The following PCDHGA7 variants were observed in gnomAD, a reference collection of about 807,000 sequenced individuals.
PCDHGA7 encodes the protein protocadherin gamma subfamily A, 7, also known as protocadherin gamma-A7.
A neutral mutation model predicts 58.3 loss-of-function variants in PCDHGA7; 44 were observed. That is an observed-to-expected ratio of 0.75 (90% confidence interval 0.59 to 0.97). The LOEUF is 0.97. Ranked by LOEUF, PCDHGA7 falls within the 50% of genes least tolerant of loss-of-function variation. The probability of loss-of-function intolerance (pLI) is 0.00; values close to 1 mark genes in which losing one functional copy is unlikely to be tolerated. For missense variants in PCDHGA7, 1,266 were observed against 1,188.7 expected (o/e 1.06, Z -0.96); for synonymous variants, 516 against 504.2 (o/e 1.02, Z -0.31).
intron 1 of PCDHGA7, chr5:141,439,888 A>G (rs2098137228): frequency 6.6e-6 from 1 of 152,384 alleles, no homozygotes. Context: ...TCTGGGTAGA[A>G]CCAAGGCGAC....
chr5:141,460,553 C>A (rs2098991893), intron 1 of PCDHGA7, among the ~76,000 whole-genome samples: 1 of 152,032 alleles, frequency 6.6e-6, no homozygotes. Context: ...AATCAAAAAT[C>A]ATTTGGCCAT....
chr5:141,431,178 TAA>T lies in PCDHGA7; in HGVS notation c.2424+45859_2424+45860del. On this transcript the variant is annotated intron_variant, in intron 1 of 3. Transcript: ENST00000518325. This position sits in a 1 kb window ranked among gnomAD's most constrained non-coding sequence, Gnocchi z 4.8. ...TACTTTCGTGAAAGTGAATTAGAAA[TAA>T]AAATTAGTGAAAATGCAGCCACTGA... is the stretch of plus-strand genomic sequence containing the variant. 1 of 1,614,078 alleles carries T rather than the reference TAA, an allele frequency of 6.2e-7. No homozygotes were observed. Among genetic ancestry groups the T allele is most frequent in the Non-Finnish European group, 8.5e-7 (1 of 1,180,000 alleles).
intron 1 of PCDHGA7, chr5:141,389,158 G>A (rs774342496): frequency 5.0e-6 from 8 of 1,613,850 alleles, no homozygotes; most frequent in African/African-American, 2.7e-5. Context: ...GCAACAGATC[G>A]GGGCAAGCCT....
At chr5:141,413,407 CTT>C (rs758693256) in intron 1 of PCDHGA7, 1 of 1,613,926 alleles carries the variant, frequency 6.2e-7, no homozygotes, top group Non-Finnish European at 8.5e-7. Context: ...TAGGACGCAG[CTT>C]TTCTCTCTGA....
chr5:141,417,884 C>A, intron 1 of PCDHGA7: 2 of 1,561,600 alleles, frequency 1.3e-6, no homozygotes, highest in East Asian at 2.4e-5. Flanking sequence ...CGCGCAGAGG[C>A]GCCGGGCCGG....
chr5:141,409,237 A>G lies in PCDHGA7; in HGVS notation c.2424+23914A>G, dbSNP rs375806619. The G allele has an allele frequency of 7.2e-5, 116 of 1,614,054 alleles. 2 individuals are homozygous for G. Among genetic ancestry groups the G allele is most frequent in the East Asian group, 6.5e-4 (29 of 44,886 alleles). ...TCCTTGATGAAAACGACAACAGCCC[A>G]GAAATAATCATCACTTCTCTCTCTG... On this transcript the variant is annotated intron_variant, in intron 1 of 3. Coordinates refer to ENST00000518325, the MANE Select transcript of PCDHGA7 (RefSeq NM_018920.4).
At chr5:141,444,865 G>A (rs1038923777) in intron 1 of PCDHGA7, among the ~76,000 whole-genome samples, 1 of 152,098 alleles carries the variant, frequency 6.6e-6, no homozygotes, top group Non-Finnish European at 1.5e-5. Flanking sequence ...TCTTACTACA[G>A]GACAAAGCTT....
Position 141,433,071 on chromosome 5 carries a change from C to T in PCDHGA7, c.2424+47748C>T, listed in dbSNP as rs2097566106. On this transcript the variant is annotated intron_variant, in intron 1 of 3. Transcript: ENST00000518325. ...TCGCGGAAGAGTCACCTGATCTTCC[C>T]CCAGCCCAACTATGCAGACATGCTC... 2.5e-6 allele frequency: 4 copies of T among 1,614,154 alleles called. No homozygotes were observed. The East Asian group carries it at 8.9e-5, about 36-fold the overall frequency.
intron 1 of PCDHGA7, among the ~76,000 whole-genome samples, chr5:141,482,056 G>A (rs1271837619): frequency 1.3e-5 from 2 of 149,012 alleles, no homozygotes; most frequent in Non-Finnish European, 3.0e-5. Context: ...TTGCATTCCA[G>A]CCTGGGCAAC....
chr5:141,388,843 G>C (rs750672396), intron 1 of PCDHGA7: 1 of 1,614,002 alleles, frequency 6.2e-7, no homozygotes, highest in Admixed American at 1.7e-5. Flanking sequence ...TTGGAAGCAA[G>C]GGACGGTGGA....
chr5:141,389,622 G>C, intron 1 of PCDHGA7: 1 of 1,612,970 alleles, frequency 6.2e-7, no homozygotes, highest in South Asian at 1.1e-5. Context: ...GCCGCACGCT[G>C]CAGAGCCTGG....
intron 3 of PCDHGA7, among the ~76,000 whole-genome samples, chr5:141,506,146 T>C (rs1014881418): frequency 6.6e-6 from 1 of 152,086 alleles, no homozygotes; most frequent in African/African-American, 2.4e-5. Context: ...AAGAATATCA[T>C]TTGTCCTTAA....
intron 2 of PCDHGA7, among the ~76,000 whole-genome samples, chr5:141,497,540 CT>C (rs754207034): frequency 0.18 from 24,498 of 134,808 alleles, 2,020 homozygotes; most frequent in African/African-American, 0.21. Flanking sequence ...TGCAACAAAC[CT>C]TTTTTTTTTT....
Position 141,489,492 on chromosome 5 carries a change from G to C in PCDHGA7, c.2425-5315G>C. On this transcript the variant is annotated intron_variant, in intron 1 of 3. Coordinates refer to ENST00000518325, the MANE Select transcript of PCDHGA7 (RefSeq NM_018920.4). This position sits in a 1 kb window ranked among gnomAD's most constrained non-coding sequence, Gnocchi z 4.5. The stretch of plus-strand genomic sequence containing the variant: ...CCCTGAGCTTGATGAGTGGTGCCCT[G>C]GCAGTGAATCAAAAGATTGACCGAG... The C allele has an allele frequency of 6.2e-7, 1 of 1,614,042 alleles. No homozygotes were observed. The highest frequency in any genetic ancestry group is 8.5e-7 in the Non-Finnish European group (1 of 1,180,034).
At chr5:141,428,186 CCGCTCTCTGCGCCGCTA>C (rs1167279209) in intron 1 of PCDHGA7, 1 of 1,460,956 alleles carries the variant, frequency 6.8e-7, no homozygotes, top group Admixed American at 1.8e-5. Context: ...AGGACAGCCG[CCGCTCTCTGCGCCGCTA>C]CGCTTCACCT....
chr5:141,511,381 G>A lies in PCDHGA7; in HGVS notation c.*208G>A, dbSNP rs545793377. 97 of 1,170,372 alleles carry A rather than the reference G, an allele frequency of 8.3e-5. No homozygotes were observed. In the East Asian group the frequency reaches 9.2e-4, roughly 11 times the overall value. 72.5% of individuals were successfully genotyped at this position (1,170,372 alleles called of 1,614,324 possible). On this transcript the variant is annotated 3_prime_UTR_variant, in exon 4 of 4. Transcript: ENST00000518325. ...GGGTTGAATATGCAAAAGCAGTTCC[G>A]CTGGGAACCCCCATCCAATCAACTG...
intron 1 of PCDHGA7, among the ~76,000 whole-genome samples, chr5:141,407,339 T>C (rs958646781): frequency 3.3e-5 from 5 of 152,222 alleles, no homozygotes; most frequent in Non-Finnish European, 7.3e-5. Context: ...TTGAAATGTA[T>C]GTTAATTTGG....
intron 1 of PCDHGA7, chr5:141,410,849 C>CTTTTTTTTTTTTTTTTTTGTTTTTTTT (rs2095435748): frequency 1.5e-5 from 2 of 129,786 alleles, no homozygotes; most frequent in Non-Finnish European, 2.6e-5. Context: ...TTGTCTTTGT[C>CTTTTTTTTTTTTTTTTTTGTTTTTTTT]TTTTTTTTTT....
rs1375469711 is a variant in PCDHGA7 at position 141,512,102 on chromosome 5, C to G, written c.*929C>G. On this transcript the variant is annotated 3_prime_UTR_variant, in exon 4 of 4. Coordinates refer to ENST00000518325, the MANE Select transcript of PCDHGA7 (RefSeq NM_018920.4). Reference sequence around the variant, plus strand: ...GCCATAAACCAATAACTAGGCTGGACCCTTCCCACTACATAATAGGGCTCA... The same window carrying G: ...GCCATAAACCAATAACTAGGCTGGAGCCTTCCCACTACATAATAGGGCTCA... The G allele has an allele frequency of 6.5e-6, 1 of 152,806 alleles. No individual in the cohort carries two copies. The highest frequency in any genetic ancestry group is 1.9e-4 in the East Asian group (1 of 5,182). The allele number at this position is 152,806 out of a possible 1,614,324, so 9.5% of individuals were successfully genotyped here. A position where few individuals can be genotyped will look rare whatever the true frequency, so the allele number is the denominator to read the frequency against.
Sources: gnomAD v4.1 joint callset for allele counts (sites outside exome capture counted in the v4.1 genomes callset) on GRCh38, gnomAD v4.1.1 for gene constraint, Gnocchi (gnomAD v3.1) non-coding constraint, MANE v1.5 for transcripts, NCBI Gene and HGNC (gene_info 2026-07-23, HGNC 2026-07-21) for gene names.